Variants in CSMD1 observed in about 807,000 individuals in gnomAD.
CSMD1 encodes CUB and Sushi multiple domains 1, also known as CUB and sushi domain-containing protein 1.
Under a neutral mutation model 417.5 loss-of-function variants are expected in CSMD1, and 213 were observed. That is an observed-to-expected ratio of 0.51 (90% CI 0.46 to 0.57). CSMD1 has a LOEUF of 0.57. Among genes scored for constraint, CSMD1 ranks in the 20% least tolerant of loss-of-function variants. CSMD1 has a pLI of 0.00. For missense variants in CSMD1, 6,923 were observed against 4,529.7 expected, an observed-to-expected ratio of 1.53 and a Z score of -15.17; for synonymous variants, 2,862 against 1,736.8, an observed-to-expected ratio of 1.65 and a Z score of -16.11.
chr8:3,933,803 T>C (rs1381514945), intron 5 of CSMD1, among the ~76,000 whole-genome samples: 1 of 152,228 alleles, frequency 6.6e-6, no homozygotes, highest in East Asian at 1.9e-4. Context: ...ATAATTCAGA[T>C]CTTGCACTTA....
intron 7 of CSMD1, among the ~76,000 whole-genome samples, chr8:3,625,397 T>A (rs1796443693): frequency 6.6e-6 from 1 of 151,190 alleles, no homozygotes; most frequent in African/African-American, 2.5e-5. Context: ...GTGTTTAACT[T>A]ATTACATTGC....
At chr8:3,512,600 CTTTT>C (rs760320227) in intron 10 of CSMD1, among the ~76,000 whole-genome samples, 4 of 127,686 alleles carry the variant, frequency 3.1e-5, no homozygotes, top group African/African-American at 9.0e-5. Context: ...TAATTTTTTT[CTTTT>C]TTTTTTTTTT....
At chr8:3,950,620 G>C (rs1045701330) in intron 5 of CSMD1, among the ~76,000 whole-genome samples, 1 of 152,148 alleles carries the variant, frequency 6.6e-6, no homozygotes, top group Non-Finnish European at 1.5e-5. Flanking sequence ...TGGCTCAGCA[G>C]GAACGTGTTT....
intron 6 of CSMD1, among the ~76,000 whole-genome samples, chr8:3,738,940 G>A (rs7825004): frequency 0.92 from 139,969 of 152,102 alleles, 65,533 homozygotes; most frequent in Non-Finnish European, 1. Flanking sequence ...TGCTGAATGC[G>A]CATATTTGTA....
intron 26 of CSMD1, among the ~76,000 whole-genome samples, chr8:3,254,710 T>A (rs1800518206): frequency 6.6e-6 from 1 of 152,228 alleles, no homozygotes; most frequent in Non-Finnish European, 1.5e-5. Context: ...GAGCCTTGGT[T>A]TTCAGCTCCG....
At chr8:4,789,966 T>G (rs936357441) in intron 1 of CSMD1, among the ~76,000 whole-genome samples, 1 of 152,224 alleles carries the variant, frequency 6.6e-6, no homozygotes, top group Non-Finnish European at 1.5e-5. Context: ...TTAAAGGTGC[T>G]ATTTCTCTCT....
chr8:3,623,891 C>T (rs755531725), intron 7 of CSMD1, among the ~76,000 whole-genome samples: 4 of 152,108 alleles, frequency 2.6e-5, no homozygotes, highest in East Asian at 3.9e-4. Flanking sequence ...GCAGGAGAAT[C>T]GCTTGAACCC....
At chr8:4,696,920 T>A (rs1807173662) in intron 1 of CSMD1, among the ~76,000 whole-genome samples, 1 of 152,166 alleles carries the variant, frequency 6.6e-6, no homozygotes, top group African/African-American at 2.4e-5. Context: ...ATTCCTGTAA[T>A]CCCAGCACTT....
At chr8:3,518,454 T>C (rs1353812335) in intron 10 of CSMD1, among the ~76,000 whole-genome samples, 4 of 152,120 alleles carry the variant, frequency 2.6e-5, no homozygotes, top group Non-Finnish European at 4.4e-5. Flanking sequence ...TTCTGACACA[T>C]AGAAACAATA....
At chr8:4,166,201 T>C (rs1398208228) in intron 3 of CSMD1, among the ~76,000 whole-genome samples, 1 of 152,182 alleles carries the variant, frequency 6.6e-6, no homozygotes, top group Non-Finnish European at 1.5e-5. Context: ...AAATAGTCAG[T>C]TTTATGACAT....
intron 3 of CSMD1, among the ~76,000 whole-genome samples, chr8:4,046,276 C>A (rs564393491): frequency 1.4e-4 from 22 of 152,210 alleles, no homozygotes; most frequent in African/African-American, 4.1e-4. Context: ...GAATTCTTGG[C>A]TGTTTCTCAG....
chr8:3,877,814 T>C (rs1299222456), intron 5 of CSMD1, among the ~76,000 whole-genome samples: 1 of 152,194 alleles, frequency 6.6e-6, no homozygotes, highest in African/African-American at 2.4e-5. Context: ...ATCATGGAGA[T>C]TGTATATTTA....
chr8:4,971,206 T>A (rs182125815), intron 1 of CSMD1, among the ~76,000 whole-genome samples: 11 of 152,208 alleles, frequency 7.2e-5, no homozygotes, highest in Admixed American at 2.0e-4. Flanking sequence ...GACATAATGA[T>A]ATTAATGATA....
intron 21 of CSMD1, among the ~76,000 whole-genome samples, chr8:3,354,811 C>CTATA (rs56109088): frequency 1.4e-5 from 2 of 146,850 alleles, no homozygotes; most frequent in African/African-American, 5.1e-5. Flanking sequence ...CTCTCTCTCT[C>CTATA]TATATATATC....
chr8:4,605,081 G>T (rs559721247), intron 2 of CSMD1, among the ~76,000 whole-genome samples: 1 of 152,136 alleles, frequency 6.6e-6, no homozygotes, highest in African/African-American at 2.4e-5. Context: ...AGCTAATGTG[G>T]AACTTAAAAT....
chr8:3,503,983 T>C (rs73501566), intron 10 of CSMD1, among the ~76,000 whole-genome samples: 2,276 of 152,210 alleles, frequency 0.015, 59 homozygotes, highest in African/African-American at 0.052. Context: ...TTTTGGGGTA[T>C]GAAAGTCCAG....
chr8:3,930,035 A>G (rs1810032528), intron 5 of CSMD1, among the ~76,000 whole-genome samples: 1 of 150,288 alleles, frequency 6.7e-6, no homozygotes, highest in Non-Finnish European at 1.5e-5. Flanking sequence ...TGGTTTATAT[A>G]AAGATGTCTC....
intron 26 of CSMD1, among the ~76,000 whole-genome samples, chr8:3,283,813 T>C (rs1247407455): frequency 2.6e-5 from 4 of 152,238 alleles, no homozygotes; most frequent in Admixed American, 2.0e-4. Flanking sequence ...CCTCTAATCA[T>C]ACTTCTGCAC....
At chr8:4,517,578 G>C (rs1225953243) in intron 2 of CSMD1, among the ~76,000 whole-genome samples, 1 of 152,010 alleles carries the variant, frequency 6.6e-6, no homozygotes, top group East Asian at 1.9e-4. Flanking sequence ...ATTTTACAGA[G>C]TTAATACCAA....
Sources: allele counts gnomAD v4.1 joint callset (sites outside exome capture counted in the v4.1 genomes callset), GRCh38; gene constraint gnomAD v4.1.1; transcripts MANE v1.5; gene names NCBI Gene and HGNC (gene_info 2026-07-23, HGNC 2026-07-21).